The following PCDH9 variants were observed in gnomAD, a reference collection of about 807,000 sequenced individuals.
The protein encoded by PCDH9 is protocadherin 9, also known as protocadherin-9.
In PCDH9, 24 loss-of-function variants were observed where a neutral mutation model predicts 70.6. That is an observed-to-expected ratio of 0.34 (90% CI 0.25 to 0.48). The LOEUF is 0.48. PCDH9 is among the 20% of genes least tolerant of loss of function. The pLI, the probability that PCDH9 is intolerant of heterozygous loss-of-function variation, is 0.99. For synonymous variants in PCDH9, 562 were observed against 558.5 expected (o/e 1.01, Z -0.09); for missense variants, 1,281 against 1,503.6 (o/e 0.85, Z 2.45).
intron 4 of PCDH9, among the ~76,000 whole-genome samples, chr13:66,564,906 T>C (rs981026727): frequency 5.9e-5 from 9 of 151,966 alleles, no homozygotes; most frequent in Admixed American, 3.3e-4. Context: ...GATTTCTTTG[T>C]CCATAAATCA....
chr13:66,561,351 C>G (rs1287618526), intron 4 of PCDH9, among the ~76,000 whole-genome samples: 4 of 152,314 alleles, frequency 2.6e-5, no homozygotes, highest in Admixed American at 2.6e-4. Context: ...CGGAGGAGTG[C>G]CGCCCCTTGC....
intron 2 of PCDH9, among the ~76,000 whole-genome samples, chr13:66,959,162 G>A (rs2083306738): frequency 6.6e-6 from 1 of 152,128 alleles, no homozygotes; most frequent in Admixed American, 6.6e-5. Flanking sequence ...AAAAGAGCAT[G>A]ATAAAAACAC....
At chr13:67,221,482 GA>G (rs1323622097) in intron 2 of PCDH9, 2 of 151,938 alleles carry the variant, frequency 1.3e-5, no homozygotes, top group African/African-American at 4.8e-5. Flanking sequence ...TCAATATATA[GA>G]AAAATATATG....
chr13:66,677,088 T>A (rs1428833600), intron 3 of PCDH9, among the ~76,000 whole-genome samples: 1 of 152,164 alleles, frequency 6.6e-6, no homozygotes, highest in East Asian at 1.9e-4. Context: ...GGTTATAAAA[T>A]CATTAAAGGG....
chr13:66,974,216 T>A (rs917681613), intron 2 of PCDH9, among the ~76,000 whole-genome samples: 2 of 151,994 alleles, frequency 1.3e-5, no homozygotes, highest in African/African-American at 2.4e-5. Context: ...ATATATTCCA[T>A]ACACTACAAT....
intron 3 of PCDH9, among the ~76,000 whole-genome samples, chr13:66,885,015 G>A (rs1338965497): frequency 6.6e-6 from 1 of 152,014 alleles, no homozygotes; most frequent in Non-Finnish European, 1.5e-5. Flanking sequence ...TCCTGATAGT[G>A]TACTCCCTGT....
chr13:66,675,334 C>T (rs1329832379), intron 3 of PCDH9, among the ~76,000 whole-genome samples: 3 of 152,156 alleles, frequency 2.0e-5, no homozygotes, highest in Middle Eastern at 6.8e-3. Flanking sequence ...ATCACTGTCA[C>T]GCAATTTAAA....
At chr13:66,729,154 A>G (rs1182015990) in intron 3 of PCDH9, among the ~76,000 whole-genome samples, 1 of 152,064 alleles carries the variant, frequency 6.6e-6, no homozygotes, top group African/African-American at 2.4e-5. Flanking sequence ...CAGACTCATT[A>G]TCTCCCCAAA....
intron 4 of PCDH9, among the ~76,000 whole-genome samples, chr13:66,308,342 A>G (rs947656972): frequency 2.0e-5 from 3 of 152,108 alleles, no homozygotes; most frequent in Non-Finnish European, 4.4e-5. Flanking sequence ...TGTTCTTTGT[A>G]CATTGTACTT....
chr13:66,711,500 T>C (rs536829276), intron 3 of PCDH9, among the ~76,000 whole-genome samples: 2 of 151,954 alleles, frequency 1.3e-5, no homozygotes, highest in African/African-American at 4.8e-5. Flanking sequence ...TGCAGTCTTA[T>C]TATTGCACAT....
chr13:66,552,198 T>C (rs1338905768), intron 4 of PCDH9, among the ~76,000 whole-genome samples: 1 of 152,122 alleles, frequency 6.6e-6, no homozygotes, highest in Non-Finnish European at 1.5e-5. Flanking sequence ...ATATTATCCA[T>C]GTCACTCCCA....
chr13:66,477,907 G>A (rs1480873085), intron 4 of PCDH9, among the ~76,000 whole-genome samples: 1 of 152,048 alleles, frequency 6.6e-6, no homozygotes, highest in African/African-American at 2.4e-5. Context: ...ACTCTACCAA[G>A]GCATGATTAT....
At chr13:67,211,418 G>A (rs1250492425) in intron 2 of PCDH9, 3 of 151,962 alleles carry the variant, frequency 2.0e-5, no homozygotes, top group African/African-American at 7.2e-5. Flanking sequence ...CCTAAAATAT[G>A]TTTGTACAAG....
chr13:66,867,584 A>G (rs1393120660), intron 3 of PCDH9, among the ~76,000 whole-genome samples: 1 of 152,156 alleles, frequency 6.6e-6, no homozygotes, highest in Admixed American at 6.5e-5. Context: ...GAATAATTGA[A>G]AGTGGAACGA....
In PCDH9 at chr13:67,125,467, T is replaced by G. The variant is rs531234728; in HGVS notation, c.3036+99938A>C. ...ATAAAAAGACAGCAGGAGAGAAGAA[T>G]CTCTTCTCTTCCCTTTGTTACAGAA... On this transcript the variant is annotated intron_variant, in intron 2 of 4. Transcript: ENST00000377865. 3.3e-5 allele frequency among the ~76,000 whole-genome samples: 5 copies of G among 152,102 alleles called. No individual in the cohort carries two copies. In the East Asian group the frequency reaches 5.8e-4, roughly 18 times the overall value.
intron 4 of PCDH9, among the ~76,000 whole-genome samples, chr13:66,356,880 C>T (rs1473930575): frequency 6.6e-6 from 1 of 152,020 alleles, no homozygotes; most frequent in Non-Finnish European, 1.5e-5. Context: ...ACCATTTACA[C>T]ACCTGAAGAC....
chr13:66,466,519 G>T (rs1662145457), intron 4 of PCDH9, among the ~76,000 whole-genome samples: 1 of 152,006 alleles, frequency 6.6e-6, no homozygotes, highest in South Asian at 2.1e-4. Context: ...GCCTTCTGAG[G>T]ACTTCTCAGG....
At chr13:67,030,557 G>A (rs1172634951) in intron 2 of PCDH9, among the ~76,000 whole-genome samples, 2 of 150,388 alleles carry the variant, frequency 1.3e-5, no homozygotes, top group Non-Finnish European at 2.9e-5. Flanking sequence ...ACCTTTGTAA[G>A]ATCAAATGTT....
intron 4 of PCDH9, among the ~76,000 whole-genome samples, chr13:66,533,780 G>A (rs560351267): frequency 3.3e-5 from 5 of 152,086 alleles, no homozygotes; most frequent in South Asian, 2.1e-4. Context: ...GGGAAGTTAC[G>A]GACAATTTTT....
Sources: gnomAD v4.1 joint callset for allele counts (sites outside exome capture counted in the v4.1 genomes callset) on GRCh38, gnomAD v4.1.1 for gene constraint, MANE v1.5 for transcripts, NCBI Gene and HGNC (gene_info 2026-07-23, HGNC 2026-07-21) for gene names.